PDE4B: variants seen among roughly 807,000 people sequenced by gnomAD.
PDE4B encodes phosphodiesterase 4B.
In PDE4B, 20 loss-of-function variants were observed where a neutral mutation model predicts 82.2. That is an observed-to-expected ratio of 0.24 (90% confidence interval 0.17 to 0.35). The LOEUF (loss-of-function observed/expected upper bound fraction) is 0.35, where lower values mean the gene tolerates loss of function less well. PDE4B is among the 10% of genes least tolerant of loss of function. PDE4B has a pLI of 1.00. For synonymous variants in PDE4B, 320 were observed against 318.9 expected (o/e 1.00, Z -0.04); for missense variants, 655 against 907.2 (o/e 0.72, Z 3.57).
At chr1:66,361,126 AT>A (rs566720486) in intron 9 of PDE4B, among the ~76,000 whole-genome samples, 10 of 152,060 alleles carry the variant, frequency 6.6e-5, no homozygotes, top group Admixed American at 1.3e-4. Context: ...GGATTTTTAA[AT>A]TTTTTTTAAG....
At chr1:65,938,012 A>G (rs141583618) in intron 3 of PDE4B, among the ~76,000 whole-genome samples, 54 of 152,336 alleles carry the variant, frequency 3.5e-4, no homozygotes, top group African/African-American at 1.2e-3. Flanking sequence ...AGAACAAACA[A>G]AAAATGGCTG....
At chr1:66,166,733 C>CAAAAAA (rs903951141) in intron 3 of PDE4B, among the ~76,000 whole-genome samples, 1 of 60,664 alleles carries the variant, frequency 1.6e-5, no homozygotes, top group African/African-American at 6.0e-5. Context: ...GACTCTGTCT[C>CAAAAAA]AAAAAAAAAA....
intron 3 of PDE4B, among the ~76,000 whole-genome samples, chr1:65,924,364 G>A (rs917398043): frequency 7.3e-5 from 11 of 151,420 alleles, no homozygotes; most frequent in Non-Finnish European, 1.3e-4. Flanking sequence ...GTGAGCCACC[G>A]CGCCCGGCCG....
chr1:66,072,619 C>T (rs1656211053), intron 3 of PDE4B, among the ~76,000 whole-genome samples: 1 of 152,060 alleles, frequency 6.6e-6, no homozygotes, highest in Non-Finnish European at 1.5e-5. Context: ...TACAATGCAG[C>T]CTTTCAAAAT....
chr1:66,090,621 A>ATATATATATATATATATATATATATATG, intron 3 of PDE4B, among the ~76,000 whole-genome samples: 1 of 122,738 alleles, frequency 8.1e-6, no homozygotes, highest in African/African-American at 4.1e-5. Context: ...TATATAATAT[A>ATATATATATATATATATATATATATATG]TGTGTGTGTG....
chr1:66,179,395 G>A (rs1275555050), intron 3 of PDE4B, among the ~76,000 whole-genome samples: 1 of 152,074 alleles, frequency 6.6e-6, no homozygotes, highest in East Asian at 1.9e-4. Flanking sequence ...AATGATGGAG[G>A]GTAGGAAGTG....
intron 3 of PDE4B, among the ~76,000 whole-genome samples, chr1:66,115,574 C>A (rs1040355513): frequency 1.1e-4 from 17 of 152,186 alleles, no homozygotes; most frequent in African/African-American, 3.9e-4. Context: ...ATATGTTAAT[C>A]AAACATGAAA....
At chr1:66,099,526 T>C (rs1645180576) in intron 3 of PDE4B, among the ~76,000 whole-genome samples, 1 of 152,166 alleles carries the variant, frequency 6.6e-6, no homozygotes, top group South Asian at 2.1e-4. Flanking sequence ...TAATTCCTTT[T>C]TCTTTATGTC....
At chr1:66,221,069 T>G (rs1307002035) in intron 3 of PDE4B, among the ~76,000 whole-genome samples, 3 of 152,088 alleles carry the variant, frequency 2.0e-5, no homozygotes, top group Non-Finnish European at 4.4e-5. Flanking sequence ...TTGAAAAGAT[T>G]TTGGGAGCAC....
At chr1:65,843,006 T>C (rs971168935) in intron 1 of PDE4B, among the ~76,000 whole-genome samples, 4 of 152,076 alleles carry the variant, frequency 2.6e-5, no homozygotes, top group South Asian at 2.1e-4. Context: ...TGAAAGTTTA[T>C]GGATTTGGGG....
At chr1:65,879,297 G>C (rs1237789050) in intron 1 of PDE4B, among the ~76,000 whole-genome samples, 1 of 152,050 alleles carries the variant, frequency 6.6e-6, no homozygotes, top group African/African-American at 2.4e-5. Context: ...AGCAGGTGCA[G>C]GTATGTGCTA....
intron 3 of PDE4B, among the ~76,000 whole-genome samples, chr1:65,945,766 T>G (rs1252654859): frequency 6.6e-6 from 1 of 152,038 alleles, no homozygotes; most frequent in African/African-American, 2.4e-5. Flanking sequence ...CCAGTCATCC[T>G]TGGGGTTCTG....
chr1:66,332,505 C>G lies in PDE4B; in HGVS notation c.635-3C>G. On this transcript the variant is annotated splice_polypyrimidine_tract_variant and splice_region_variant and intron_variant, in intron 7 of 16. Coordinates refer to ENST00000341517, the MANE Select transcript of PDE4B (RefSeq NM_002600.4). ...AACTACATGCCTGTGTGTTTGTTTG[C>G]AGAAGAATCTTATCAAAAATTAGCA... is the stretch of plus-strand genomic sequence containing the variant. The G allele has an allele frequency of 6.2e-7, 1 of 1,614,138 alleles. No individual in the cohort carries two copies. Among genetic ancestry groups the G allele is most frequent in the Non-Finnish European group, 8.5e-7 (1 of 1,180,038 alleles).
At chr1:66,274,163 AT>A (rs113124574) in intron 7 of PDE4B, among the ~76,000 whole-genome samples, 5,179 of 143,080 alleles carry the variant, frequency 0.036, 119 homozygotes, top group East Asian at 0.098. Flanking sequence ...AAAAATGGGC[AT>A]TTTTTTTTTT....
At chr1:65,957,125 T>A (rs1649301460) in intron 3 of PDE4B, among the ~76,000 whole-genome samples, 1 of 152,060 alleles carries the variant, frequency 6.6e-6, no homozygotes, top group African/African-American at 2.4e-5. Flanking sequence ...ATGTAAATAC[T>A]AATATTTTGT....
intron 7 of PDE4B, among the ~76,000 whole-genome samples, chr1:66,282,803 C>A (rs1260679820): frequency 1.3e-5 from 2 of 151,944 alleles, no homozygotes; most frequent in Non-Finnish European, 2.9e-5. Context: ...GGCTCCTGGC[C>A]CAAAAATAGT....
chr1:66,060,470 G>A (rs1655526851), intron 3 of PDE4B, among the ~76,000 whole-genome samples: 1 of 152,172 alleles, frequency 6.6e-6, no homozygotes, highest in African/African-American at 2.4e-5. Flanking sequence ...AATATTGAAT[G>A]CTTAGATTAT....
In PDE4B at chr1:66,019,356, C is replaced by CTTTT. The variant is rs4071540; in HGVS notation, c.281+100535_281+100538dup. Among the ~76,000 whole-genome samples, 41 of 124,734 alleles carry CTTTT rather than the reference C, an allele frequency of 3.3e-4. 2 individuals carry two copies. Among genetic ancestry groups the CTTTT allele is most frequent in the Non-Finnish European group, 5.0e-4 (31 of 62,456 alleles). 81.8% of individuals were successfully genotyped at this position (124,734 alleles called of 152,430 possible). On this transcript the variant is annotated intron_variant, in intron 3 of 16. Coordinates refer to ENST00000341517, the MANE Select transcript of PDE4B (RefSeq NM_002600.4). ...TTAGAAAATTATTATTATTGTTATT[C>CTTTT]TTTTTTTTTTTTTTTTTGAGATGGA...
chr1:66,369,991 C>T (rs1663558939), intron 16 of PDE4B, among the ~76,000 whole-genome samples: 1 of 151,426 alleles, frequency 6.6e-6, no homozygotes, highest in Non-Finnish European at 1.5e-5. Context: ...CTACCAAAAA[C>T]ACACAAAAAA....
Sources: allele counts gnomAD v4.1 joint callset (sites outside exome capture counted in the v4.1 genomes callset), GRCh38; gene constraint gnomAD v4.1.1; transcripts MANE v1.5; gene names NCBI Gene and HGNC (gene_info 2026-07-23, HGNC 2026-07-21).